The following MSH3 variants were observed in gnomAD, a reference collection of about 807,000 sequenced individuals.
The protein encoded by MSH3 is mutS homolog 3.
MSH3 carries 106 observed loss-of-function variants against 123.3 expected under a neutral mutation model. The observed-to-expected ratio is 0.86, with a 90% confidence interval of 0.73 to 1.01. The LOEUF (loss-of-function observed/expected upper bound fraction) is 1.01. Among genes scored for constraint, MSH3 ranks in the 50% least tolerant of loss-of-function variants. MSH3 has a pLI of 0.00. For missense variants in MSH3, 1,459 were observed against 1,347.6 expected, an observed-to-expected ratio of 1.08 and a Z score of -1.29; for synonymous variants, 515 against 481.4, an observed-to-expected ratio of 1.07 and a Z score of -0.91.
At chr5:80,807,003 G>T (rs1744902423) in intron 19 of MSH3, among the ~76,000 whole-genome samples, 1 of 151,904 alleles carries the variant, frequency 6.6e-6, no homozygotes, top group African/African-American at 2.4e-5. Context: ...AGGAGTTCAA[G>T]ACCAGCCTGG....
chr5:80,849,673 C>T (rs972048068), intron 20 of MSH3, among the ~76,000 whole-genome samples: 3 of 152,136 alleles, frequency 2.0e-5, no homozygotes, highest in African/African-American at 7.2e-5. Flanking sequence ...GGACACAGGG[C>T]ACCAAGTCCC....
intron 20 of MSH3, among the ~76,000 whole-genome samples, chr5:80,853,170 C>A (rs796823314): frequency 1.8e-4 from 28 of 152,220 alleles, no homozygotes; most frequent in African/African-American, 6.7e-4. Flanking sequence ...TGTACTAGAT[C>A]CTTCTCTAAG....
In MSH3 at chr5:80,854,290, G is replaced by C; in HGVS notation, c.2974G>C (p.Ala992Pro). ...TCATGATGGAATTGCCATTGCCTAT[G>C]CTACACTTGAGTATTTCATCAGAGA... ...STHDGIAIAY[A>P]TLEYFIRDVK... is the part of the protein sequence containing the mutation. The change falls in exon 21 of 24, where the codon GCT becomes CCT. Residue 992 changes from alanine to proline, a missense_variant. Coordinates refer to ENST00000265081, the MANE Select transcript of MSH3 (RefSeq NM_002439.5). The C allele has an allele frequency of 6.2e-7, 1 of 1,613,862 alleles. No individual in the cohort carries two copies. The highest frequency in any genetic ancestry group is 2.2e-5 in the East Asian group (1 of 44,844).
intron 8 of MSH3, among the ~76,000 whole-genome samples, chr5:80,680,447 G>A (rs2112820285): frequency 6.6e-6 from 1 of 151,534 alleles, no homozygotes; most frequent in African/African-American, 2.4e-5. Context: ...AAATTCATAA[G>A]TTGAATTCTG....
chr5:80,791,251 G>C (rs1402309750), intron 18 of MSH3, among the ~76,000 whole-genome samples: 1 of 152,096 alleles, frequency 6.6e-6, no homozygotes, highest in Non-Finnish European at 1.5e-5. Flanking sequence ...GTGTTGATAA[G>C]TCAAAAAATG....
intron 19 of MSH3, among the ~76,000 whole-genome samples, chr5:80,804,054 A>G (rs1580059631): frequency 1.3e-5 from 2 of 152,140 alleles, no homozygotes; most frequent in East Asian, 1.9e-4. Flanking sequence ...TTGTGTTTCC[A>G]TATAAATTTT....
rs116638327 is a variant in MSH3, at chr5:80,704,828, C to T, written c.1341-20625C>T. Among the ~76,000 whole-genome samples the T allele has an allele frequency of 2.6e-5, 4 of 152,306 alleles. 1 individual carries two copies. In the East Asian group the frequency reaches 7.7e-4, roughly 29 times the overall value. ...CATACCTGAGGCCAGGAGCATGATACCTTTCCTCTAGTCTTGCCCTTGTCC... is the reference window on the plus strand; with the variant it reads ...CATACCTGAGGCCAGGAGCATGATATCTTTCCTCTAGTCTTGCCCTTGTCC... On this transcript the variant is annotated intron_variant, in intron 8 of 23. Transcript: ENST00000265081.
intron 4 of MSH3, among the ~76,000 whole-genome samples, chr5:80,670,760 A>G (rs1281635572): frequency 6.6e-6 from 1 of 152,202 alleles, no homozygotes; most frequent in Non-Finnish European, 1.5e-5. Flanking sequence ...TTTACCAGCT[A>G]CCACCAGAAG....
At chr5:80,818,394 AGCAATGAC>A (rs1745142914) in intron 20 of MSH3, among the ~76,000 whole-genome samples, 1 of 134,400 alleles carries the variant, frequency 7.4e-6, no homozygotes, top group Non-Finnish European at 1.6e-5. Context: ...ACAAATAAAT[AGCAATGAC>A]AAAAAAAAAA....
chr5:80,798,894 G>A (rs1744743407), intron 19 of MSH3, among the ~76,000 whole-genome samples: 1 of 152,274 alleles, frequency 6.6e-6, no homozygotes, highest in African/African-American at 2.4e-5. Flanking sequence ...CTCTTCCTGA[G>A]AGCCTTCACC....
intron 8 of MSH3, among the ~76,000 whole-genome samples, chr5:80,706,653 A>G (rs1005186639): frequency 1.3e-5 from 2 of 152,238 alleles, no homozygotes; most frequent in Non-Finnish European, 2.9e-5. Flanking sequence ...ATGTAAATAT[A>G]GAATATACTT....
chr5:80,669,170 A>G (rs1749639133), intron 3 of MSH3, among the ~76,000 whole-genome samples: 1 of 152,110 alleles, frequency 6.6e-6, no homozygotes, highest in Admixed American at 6.5e-5. Context: ...GGTGAAGCTG[A>G]ATTGTTTTAA....
chr5:80,722,870 C>T (rs956452621), intron 8 of MSH3, among the ~76,000 whole-genome samples: 6 of 152,104 alleles, frequency 3.9e-5, no homozygotes, highest in Non-Finnish European at 8.8e-5. Context: ...TTTGGGAGGC[C>T]GAGGTGGGCA....
intron 10 of MSH3, among the ~76,000 whole-genome samples, chr5:80,730,205 A>G (rs1479039652): frequency 1.3e-5 from 2 of 152,244 alleles, no homozygotes; most frequent in Non-Finnish European, 2.9e-5. Context: ...AACTAGAGCT[A>G]TTAATATATG....
At chr5:80,687,331 A>G (rs1446355794) in intron 8 of MSH3, among the ~76,000 whole-genome samples, 2 of 152,216 alleles carry the variant, frequency 1.3e-5, no homozygotes, top group Non-Finnish European at 2.9e-5. Flanking sequence ...TAGCTTAGAA[A>G]TGTTGTATGT....
intron 8 of MSH3, among the ~76,000 whole-genome samples, chr5:80,684,880 G>T (rs1370951856): frequency 6.6e-6 from 1 of 151,864 alleles, no homozygotes; most frequent in Non-Finnish European, 1.5e-5. Context: ...AAGCGTTGTT[G>T]AATTTTATCA....
At chr5:80,858,934 G>A (rs1188346164) in intron 21 of MSH3, among the ~76,000 whole-genome samples, 2 of 152,000 alleles carry the variant, frequency 1.3e-5, no homozygotes, top group South Asian at 2.1e-4. Context: ...TTGGACATAA[G>A]ACATAATATC....
chr5:80,662,293 ACT>A (rs1288912223), intron 2 of MSH3, among the ~76,000 whole-genome samples: 1 of 152,114 alleles, frequency 6.6e-6, no homozygotes, highest in African/African-American at 2.4e-5. Context: ...GTGTAAGTAC[ACT>A]CTCTGATGTG....
At chr5:80,669,065 GTCT>G (rs1191133042) in intron 3 of MSH3, among the ~76,000 whole-genome samples, 1 of 152,178 alleles carries the variant, frequency 6.6e-6, no homozygotes, top group Non-Finnish European at 1.5e-5. Flanking sequence ...ATGCCTCACC[GTCT>G]TCTTATTGCT....
Sources: gnomAD v4.1 joint callset for allele counts (sites outside exome capture counted in the v4.1 genomes callset) on GRCh38, gnomAD v4.1.1 for gene constraint, MANE v1.5 for transcripts, NCBI Gene and HGNC (gene_info 2026-07-23, HGNC 2026-07-21) for gene names.